ADAMTS2: variants seen among roughly 807,000 people sequenced by gnomAD.
ADAMTS2 encodes ADAM metallopeptidase with thrombospondin type 1 motif 2, also known as A disintegrin and metalloproteinase with thrombospondin motifs 2.
ADAMTS2 carries 50 observed loss-of-function variants against 123.0 expected under a neutral mutation model. The ratio of observed to expected loss-of-function variants is 0.41; its 90% CI spans 0.32 to 0.51. ADAMTS2 has a LOEUF of 0.51. Ranked by LOEUF, ADAMTS2 falls within the 20% of genes least tolerant of loss-of-function variation. ADAMTS2 has a pLI of 0.35. For synonymous variants in ADAMTS2, 678 were observed against 695.4 expected (o/e 0.98, Z 0.39); for missense variants, 1,494 against 1,705.2 (o/e 0.88, Z 2.18).
chr5:179,187,308 G>A (rs1471416341), intron 4 of ADAMTS2, among the ~76,000 whole-genome samples: 1 of 152,308 alleles, frequency 6.6e-6, no homozygotes. Context: ...GGAGGGTCTG[G>A]CCCTGCTGAG....
intron 3 of ADAMTS2, among the ~76,000 whole-genome samples, chr5:179,211,271 A>T (rs554063983): frequency 3.7e-4 from 57 of 152,336 alleles, no homozygotes; most frequent in Middle Eastern, 3.4e-3. Flanking sequence ...ATGAGTGATC[A>T]GCGCACCCAT....
chr5:179,163,158 G>A (rs1164154360), intron 5 of ADAMTS2, among the ~76,000 whole-genome samples: 1 of 152,188 alleles, frequency 6.6e-6, no homozygotes, highest in Admixed American at 6.5e-5. Flanking sequence ...GTGTGGGCTT[G>A]TGGGGAGTAC....
intron 3 of ADAMTS2, among the ~76,000 whole-genome samples, chr5:179,210,864 CT>C: frequency 6.6e-6 from 1 of 152,268 alleles, no homozygotes; most frequent in Admixed American, 6.5e-5. Context: ...AAGATTGACC[CT>C]GACCCTGTCA....
intron 2 of ADAMTS2, chr5:179,341,311 C>T (rs33897): frequency 0.14 from 50,677 of 351,432 alleles, 3,853 homozygotes; most frequent in Middle Eastern, 0.17. Context: ...CGCTTGAGGT[C>T]GGGAGTTTGA....
At chr5:179,318,201 A>G (rs562616738) in intron 2 of ADAMTS2, among the ~76,000 whole-genome samples, 1 of 152,358 alleles carries the variant, frequency 6.6e-6, no homozygotes, top group South Asian at 2.1e-4. Context: ...AGAAAGGGTC[A>G]TTTATCTCAG....
At chr5:179,298,739 T>G (rs937941871) in intron 2 of ADAMTS2, among the ~76,000 whole-genome samples, 2 of 152,018 alleles carry the variant, frequency 1.3e-5, no homozygotes, top group African/African-American at 4.8e-5. Flanking sequence ...TCTGCGCTGG[T>G]TAGGGGTGGG....
intron 4 of ADAMTS2, among the ~76,000 whole-genome samples, chr5:179,182,942 T>A (rs1764081137): frequency 6.6e-6 from 1 of 152,168 alleles, no homozygotes; most frequent in African/African-American, 2.4e-5. Context: ...CAGGAAGCCT[T>A]GCCATTTGGT....
chr5:179,207,801 T>C (rs992292971), intron 3 of ADAMTS2, 86 bp from the exon 4 acceptor site: 4 of 1,216,134 alleles, frequency 3.3e-6, no homozygotes, highest in Admixed American at 1.8e-5. Context: ...CATCCTCTCA[T>C]TTAAAACTCA....
chr5:179,206,630 C>T (rs1225028734), intron 4 of ADAMTS2, among the ~76,000 whole-genome samples: 2 of 152,230 alleles, frequency 1.3e-5, no homozygotes, highest in Non-Finnish European at 2.9e-5. Flanking sequence ...CTTCTCACCC[C>T]CTTCTTTTCC....
chr5:179,330,094 CCG>C (rs1757442498), intron 2 of ADAMTS2, among the ~76,000 whole-genome samples: 1 of 147,588 alleles, frequency 6.8e-6, no homozygotes, highest in Non-Finnish European at 1.5e-5. Context: ...CCACTGCAGT[CCG>C]CAGTCCGGCC....
chr5:179,192,657 G>A (rs2113341084), intron 4 of ADAMTS2, among the ~76,000 whole-genome samples: 1 of 152,350 alleles, frequency 6.6e-6, no homozygotes, highest in South Asian at 2.1e-4. Flanking sequence ...CCAGGCGCGG[G>A]TGGGAGGTCT....
At chr5:179,273,104 A>T in intron 2 of ADAMTS2, 40 bp from the exon 3 acceptor site, 1 of 1,613,088 alleles carries the variant, frequency 6.2e-7, no homozygotes, top group Non-Finnish European at 8.5e-7. Context: ...TCCAGCACAC[A>T]AAAGACCAAG....
At position 179,332,203 on chromosome 5, in the gene ADAMTS2, C is replaced by T. The variant is rs1561759323; in HGVS notation, c.534+11564G>A. Among the ~76,000 whole-genome samples, 2 of 152,322 alleles carry T rather than the reference C, an allele frequency of 1.3e-5. No individual in the cohort carries two copies. Among genetic ancestry groups the T allele is most frequent in the South Asian group, 2.1e-4 (1 of 4,828 alleles). On this transcript the variant is annotated intron_variant, in intron 2 of 21. Transcript: ENST00000251582. This position sits in a 1 kb window ranked among gnomAD's most constrained non-coding sequence, Gnocchi z 4.2. ...GATTATTAAAGACACAACCCAGGAA[C>T]AGCTGCATGGGAGGGATGGGCAGGG... is the stretch of plus-strand genomic sequence containing the variant.
intron 13 of ADAMTS2, among the ~76,000 whole-genome samples, chr5:179,134,869 G>A (rs796727015): frequency 1.6e-5 from 1 of 60,756 alleles, no homozygotes; most frequent in African/African-American, 5.9e-5. Context: ...CCCAGCTCCC[G>A]GGTCCAGCTC....
In ADAMTS2 at chr5:179,122,550, G is replaced by A. The variant is rs1035674943; in HGVS notation, c.3088+94C>T. On this transcript the variant is annotated intron_variant, in intron 20 of 21. Coordinates refer to ENST00000251582, the MANE Select transcript of ADAMTS2 (RefSeq NM_014244.5). Reference sequence around the variant, plus strand: ...CAGATGTTGAGTCCAGCTACTCTCCGGGAAGAGCCAGATTTGCCTGAACCA... The same window carrying A: ...CAGATGTTGAGTCCAGCTACTCTCCAGGAAGAGCCAGATTTGCCTGAACCA... 48 of 1,500,912 alleles carry A rather than the reference G, an allele frequency of 3.2e-5. No individual in the cohort carries two copies. In the African/African-American group the frequency reaches 4.2e-4, roughly 13 times the overall value. The allele number at this position is 1,500,912 out of a possible 1,614,324, so 93.0% of individuals were successfully genotyped here. A position where few individuals can be genotyped will look rare whatever the true frequency, so the allele number is the denominator to read the frequency against.
chr5:179,246,827 T>C (rs1260644899), intron 3 of ADAMTS2, among the ~76,000 whole-genome samples: 1 of 152,210 alleles, frequency 6.6e-6, no homozygotes, highest in East Asian at 1.9e-4. Flanking sequence ...TTGGTGGCCA[T>C]ATATAATGAA....
At position 179,217,815 on chromosome 5, in the gene ADAMTS2, A is replaced by T. The variant is rs6897917; in HGVS notation, c.689-10100T>A. Reference sequence around the variant, plus strand: ...GCGCAAGGGGGGGATGGGCACACTCACTAGGGGATGGCCTGAGGGCAGACA... The same window carrying T: ...GCGCAAGGGGGGGATGGGCACACTCTCTAGGGGATGGCCTGAGGGCAGACA... On this transcript the variant is annotated intron_variant, in intron 3 of 21. Transcript: ENST00000251582. Among the ~76,000 whole-genome samples the T allele has an allele frequency of 1.3e-3, 126 of 96,920 alleles. 2 individuals carry two copies. The highest frequency in any genetic ancestry group is 4.0e-3 in the African/African-American group (108 of 26,902). 63.6% of individuals were successfully genotyped at this position (96,920 alleles called of 152,430 possible).
chr5:179,204,823 C>T, intron 4 of ADAMTS2, among the ~76,000 whole-genome samples: 1 of 152,174 alleles, frequency 6.6e-6, no homozygotes, highest in East Asian at 1.9e-4. Flanking sequence ...CTCCCACGCC[C>T]CGGGACTCTC....
In ADAMTS2 at chr5:179,223,419, C is replaced by T. The variant is rs181196433; in HGVS notation, c.689-15704G>A. On this transcript the variant is annotated intron_variant, in intron 3 of 21. Coordinates refer to ENST00000251582, the MANE Select transcript of ADAMTS2 (RefSeq NM_014244.5). ...ACACACACGCATGCAGTCACATACA[C>T]ACATGCACTCACACGAACGCACTCA... Among the ~76,000 whole-genome samples the T allele has an allele frequency of 2.9e-3, 445 of 152,054 alleles. 3 individuals are homozygous for T. The highest frequency in any genetic ancestry group is 7.7e-3 in the African/African-American group (317 of 41,420).
Sources: gnomAD v4.1 joint callset for allele counts (sites outside exome capture counted in the v4.1 genomes callset) on GRCh38, gnomAD v4.1.1 for gene constraint, Gnocchi (gnomAD v3.1) non-coding constraint, MANE v1.5 for transcripts, NCBI Gene and HGNC (gene_info 2026-07-23, HGNC 2026-07-21) for gene names.